Variants in FRMD4B observed in about 807,000 individuals in gnomAD.
FRMD4B encodes FERM domain-containing protein 4B.
In FRMD4B, 74 loss-of-function variants were observed where a neutral mutation model predicts 141.5. That is an observed-to-expected ratio of 0.52 (90% CI 0.43 to 0.63). FRMD4B has a LOEUF of 0.63. Ranked by LOEUF, FRMD4B falls within the 30% of genes least tolerant of loss-of-function variation. The probability of loss-of-function intolerance (pLI) is 0.00; values close to 1 mark genes in which losing one functional copy is unlikely to be tolerated. For missense variants in FRMD4B, 1,366 were observed against 1,253.4 expected (o/e 1.09, Z -1.36); for synonymous variants, 506 against 467.9 (o/e 1.08, Z -1.05).
At chr3:69,284,001 A>G (rs1280068578) in intron 5 of FRMD4B, among the ~76,000 whole-genome samples, 1 of 152,154 alleles carries the variant, frequency 6.6e-6, no homozygotes, top group Admixed American at 6.5e-5. Flanking sequence ...CAGACAAAAT[A>G]TATAAAACAA....
rs528814523 is a variant in FRMD4B at position 69,346,902 on chromosome 3, G to A, written c.163-33385C>T. Among the ~76,000 whole-genome samples the A allele has an allele frequency of 7.3e-3, 1,106 of 152,212 alleles. 11 individuals carry two copies. Among genetic ancestry groups the A allele is most frequent in the African/African-American group, 0.025 (1,041 of 41,512 alleles). ...AAGCCAAATTGTAAAGACCATCGAG[G>A]CTAGGAAGAAACTGCATCAACTAAC... On this transcript the variant is annotated intron_variant, in intron 1 of 22. Transcript: ENST00000398540.
intron 1 of FRMD4B, among the ~76,000 whole-genome samples, chr3:69,341,956 A>C (rs1421154585): frequency 6.6e-6 from 1 of 152,198 alleles, no homozygotes; most frequent in Non-Finnish European, 1.5e-5. Flanking sequence ...AAAATGGACT[A>C]AGACAGGCAA....
intron 1 of FRMD4B, among the ~76,000 whole-genome samples, chr3:69,315,223 G>C (rs1318308231): frequency 5.9e-5 from 9 of 152,086 alleles, no homozygotes; most frequent in Non-Finnish European, 7.4e-5. Context: ...AAAAAACTTT[G>C]TAAAATACTT....
intron 5 of FRMD4B, among the ~76,000 whole-genome samples, chr3:69,279,772 C>T (rs1460823676): frequency 9.7e-6 from 1 of 103,338 alleles, no homozygotes; most frequent in Non-Finnish European, 1.9e-5. Flanking sequence ...TCTCCTCCTC[C>T]CCTCCTCCTC....
intron 1 of FRMD4B, among the ~76,000 whole-genome samples, chr3:69,329,509 C>T (rs1702296363): frequency 7.0e-6 from 1 of 143,094 alleles, no homozygotes; most frequent in African/African-American, 2.6e-5. Context: ...ACCACCATGC[C>T]CAGCTAATTT....
At chr3:69,454,706 C>A (rs934700201) in intron 1 of FRMD4B, among the ~76,000 whole-genome samples, 1 of 152,222 alleles carries the variant, frequency 6.6e-6, no homozygotes, top group Non-Finnish European at 1.5e-5. Context: ...GCCCACCATG[C>A]CTGAGCCCCG....
chr3:69,314,855 A>G (rs1224255572), intron 1 of FRMD4B, among the ~76,000 whole-genome samples: 1 of 152,014 alleles, frequency 6.6e-6, no homozygotes, highest in Non-Finnish European at 1.5e-5. Context: ...AAAAAAAAGT[A>G]TTTATTCATT....
At chr3:69,308,658 T>G (rs557322817) in intron 3 of FRMD4B, among the ~76,000 whole-genome samples, 1 of 152,230 alleles carries the variant, frequency 6.6e-6, no homozygotes, top group Non-Finnish European at 1.5e-5. Context: ...CAGGCTGGTC[T>G]GGAATTCCTA....
At chr3:69,378,743 T>C (rs548383402) in intron 1 of FRMD4B, among the ~76,000 whole-genome samples, 4 of 152,282 alleles carry the variant, frequency 2.6e-5, no homozygotes, top group Admixed American at 2.6e-4. Flanking sequence ...TACAGGGTCA[T>C]TCAAGTTCAG....
intron 8 of FRMD4B, among the ~76,000 whole-genome samples, chr3:69,222,360 G>A (rs554162941): frequency 5.3e-5 from 8 of 151,488 alleles, no homozygotes; most frequent in African/African-American, 1.7e-4. Context: ...CCAGCTCCTC[G>A]GGAGGCTGAG....
chr3:69,469,236 A>G (rs1212239005), intron 1 of FRMD4B, among the ~76,000 whole-genome samples: 1 of 152,196 alleles, frequency 6.6e-6, no homozygotes, highest in Non-Finnish European at 1.5e-5. Flanking sequence ...ATTGTAACAT[A>G]GCTACAGTGG....
intron 2 of FRMD4B, among the ~76,000 whole-genome samples, chr3:69,414,816 C>T (rs1415196104): frequency 6.6e-6 from 1 of 151,230 alleles, no homozygotes; most frequent in Non-Finnish European, 1.5e-5. Context: ...ACTCTCTAAC[C>T]TTGGCTTCTA....
intron 7 of FRMD4B, among the ~76,000 whole-genome samples, chr3:69,243,048 T>G (rs1222483365): frequency 1.3e-5 from 2 of 150,166 alleles, no homozygotes; most frequent in South Asian, 2.1e-4. Context: ...GGCTGGCAGC[T>G]GGGTGATAAA....
intron 2 of FRMD4B, among the ~76,000 whole-genome samples, chr3:69,416,144 G>A (rs1575794610): frequency 6.6e-6 from 1 of 152,156 alleles, no homozygotes; most frequent in East Asian, 1.9e-4. Context: ...TTTTGCACGT[G>A]GTTCTGAGTA....
At chr3:69,196,517 C>T in intron 13 of FRMD4B, 121 bp from the exon 14 acceptor site, 1 of 772,802 alleles carries the variant, frequency 1.3e-6, no homozygotes, top group South Asian at 1.7e-5. Context: ...TTCACATATT[C>T]AAGTGGCATT....
chr3:69,406,597 T>C (rs1156558892), intron 2 of FRMD4B, among the ~76,000 whole-genome samples: 1 of 152,214 alleles, frequency 6.6e-6, no homozygotes, highest in Non-Finnish European at 1.5e-5. Context: ...GCAACTTTGC[T>C]ATCATCTCCT....
intron 4 of FRMD4B, among the ~76,000 whole-genome samples, chr3:69,292,530 C>A (rs1323227539): frequency 2.0e-5 from 3 of 152,192 alleles, no homozygotes; most frequent in Non-Finnish European, 4.4e-5. Flanking sequence ...TCCCAGTAAA[C>A]AGGTCCCTAT....
chr3:69,316,571 A>G (rs541230091), intron 1 of FRMD4B, among the ~76,000 whole-genome samples: 1 of 152,256 alleles, frequency 6.6e-6, no homozygotes, highest in South Asian at 2.1e-4. Context: ...AGAGAGAAAT[A>G]AAATGTGTCA....
chr3:69,259,990 G>T (rs2093515658), intron 5 of FRMD4B, among the ~76,000 whole-genome samples: 1 of 152,162 alleles, frequency 6.6e-6, no homozygotes, highest in Non-Finnish European at 1.5e-5. Flanking sequence ...ATAAAGTTTT[G>T]TGATATACCT....
Sources: allele counts gnomAD v4.1 joint callset (sites outside exome capture counted in the v4.1 genomes callset), GRCh38; gene constraint gnomAD v4.1.1; transcripts MANE v1.5; gene names NCBI Gene and HGNC (gene_info 2026-07-23, HGNC 2026-07-21).